Variants in OXCT1 observed in about 807,000 individuals in gnomAD.
The protein encoded by OXCT1 is 3-oxoacid CoA-transferase 1.
In OXCT1, 27 loss-of-function variants were observed where a neutral mutation model predicts 69.6. The ratio of observed to expected loss-of-function variants is 0.39; its 90% confidence interval spans 0.29 to 0.54. The LOEUF (loss-of-function observed/expected upper bound fraction) is 0.54, where lower values mean the gene tolerates loss of function less well. Among genes scored for constraint, OXCT1 ranks in the 20% least tolerant of loss-of-function variants. The probability of loss-of-function intolerance (pLI) is 0.72; values close to 1 mark genes in which losing one functional copy is unlikely to be tolerated. For missense variants in OXCT1, 437 were observed against 650.2 expected, an observed-to-expected ratio of 0.67 and a Z score of 3.57; for synonymous variants, 202 against 217.8, an observed-to-expected ratio of 0.93 and a Z score of 0.64.
chr5:41,861,051 A>C (rs904028325), intron 3 of OXCT1, among the ~76,000 whole-genome samples: 5 of 152,182 alleles, frequency 3.3e-5, no homozygotes, highest in Admixed American at 3.3e-4. Flanking sequence ...TTAGAAAAAT[A>C]AAAGCACATC....
intron 15 of OXCT1, among the ~76,000 whole-genome samples, chr5:41,743,727 T>G (rs1195189777): frequency 1.3e-5 from 2 of 152,202 alleles, no homozygotes; most frequent in African/African-American, 2.4e-5. Flanking sequence ...CACCATTTAT[T>G]AAATAGGGAA....
intron 7 of OXCT1, among the ~76,000 whole-genome samples, chr5:41,833,630 T>C (rs1010422217): frequency 5.9e-5 from 9 of 151,946 alleles, no homozygotes; most frequent in South Asian, 2.1e-4. Flanking sequence ...ATTATTAACA[T>C]TGCAACTGTG....
chr5:41,833,367 T>C (rs1050554927), intron 7 of OXCT1, among the ~76,000 whole-genome samples: 3 of 152,034 alleles, frequency 2.0e-5, no homozygotes, highest in African/African-American at 7.2e-5. Flanking sequence ...TTTAAAGGAC[T>C]GAAGGAAAGA....
At chr5:41,853,677 C>T (rs778013896) in intron 3 of OXCT1, 123 bp from the exon 4 acceptor site, 3 of 1,097,756 alleles carry the variant, frequency 2.7e-6, no homozygotes, top group Non-Finnish European at 4.0e-6. Flanking sequence ...GCATTTGATC[C>T]ACATTCTTAG....
chr5:41,859,950 G>A (rs1374838960), intron 3 of OXCT1, among the ~76,000 whole-genome samples: 6 of 140,884 alleles, frequency 4.3e-5, no homozygotes, highest in Admixed American at 7.3e-5. Flanking sequence ...AGGTACATAT[G>A]TATAATCAGA....
intron 13 of OXCT1, among the ~76,000 whole-genome samples, chr5:41,787,197 T>A (rs1336101441): frequency 6.6e-6 from 1 of 152,190 alleles, no homozygotes; most frequent in Non-Finnish European, 1.5e-5. Flanking sequence ...TTTCTAGGGA[T>A]TTGTACTAAG....
chr5:41,761,856 G>C (rs953309478), intron 14 of OXCT1, among the ~76,000 whole-genome samples: 3 of 152,076 alleles, frequency 2.0e-5, no homozygotes, highest in Non-Finnish European at 2.9e-5. Flanking sequence ...TATGCATAAA[G>C]CTTTTACTTT....
intron 13 of OXCT1, among the ~76,000 whole-genome samples, chr5:41,785,358 A>G (rs1561074192): frequency 6.6e-6 from 1 of 152,246 alleles, no homozygotes; most frequent in African/African-American, 2.4e-5. Flanking sequence ...TATTAGAACC[A>G]TAGTTGGAAA....
At chr5:41,847,859 A>C (rs1409386308) in intron 5 of OXCT1, among the ~76,000 whole-genome samples, 10 of 149,672 alleles carry the variant, frequency 6.7e-5, no homozygotes, top group Admixed American at 2.0e-4. Context: ...ATTCCCTTTG[A>C]AAACTGGCAC....
intron 13 of OXCT1, among the ~76,000 whole-genome samples, chr5:41,781,060 C>T (rs1335159664): frequency 3.3e-5 from 5 of 152,072 alleles, no homozygotes; most frequent in Non-Finnish European, 5.9e-5. Flanking sequence ...CCCACCACCA[C>T]GCCCAGCTGA....
intron 13 of OXCT1, among the ~76,000 whole-genome samples, chr5:41,771,028 A>G (rs531612877): frequency 2.4e-4 from 37 of 152,318 alleles, no homozygotes; most frequent in African/African-American, 8.4e-4. Context: ...TACCATGATC[A>G]GAGTCTTCAT....
At chr5:41,842,625 A>G (rs1377626911) in intron 6 of OXCT1, 50 bp downstream of exon 6, 2 of 1,267,336 alleles carry the variant, frequency 1.6e-6, no homozygotes, top group Non-Finnish European at 1.2e-6. Flanking sequence ...TCTGATGTCC[A>G]TTTTTAGAGT....
chr5:41,861,289 A>C, intron 3 of OXCT1, 25 bp downstream of exon 3: 1 of 1,415,752 alleles, frequency 7.1e-7, no homozygotes, highest in Non-Finnish European at 1.0e-6. Flanking sequence ...CTCTCCAGCC[A>C]ATTGTTTTTA....
chr5:41,794,521 C>T (rs1746082397), intron 12 of OXCT1, 156 bp downstream of exon 12: 7 of 688,660 alleles, frequency 1.0e-5, no homozygotes, highest in Admixed American at 5.0e-5. Flanking sequence ...GCCCAACATT[C>T]GATGTGAATA....
At chr5:41,747,905 G>A (rs759425465) in intron 15 of OXCT1, among the ~76,000 whole-genome samples, 7 of 152,012 alleles carry the variant, frequency 4.6e-5, no homozygotes, top group Admixed American at 6.6e-5. Flanking sequence ...AGCATCTGGC[G>A]TGTGTCTCCA....
chr5:41,775,936 G>C (rs535574697), intron 13 of OXCT1, among the ~76,000 whole-genome samples: 1 of 152,090 alleles, frequency 6.6e-6, no homozygotes, highest in East Asian at 1.9e-4. Flanking sequence ...CCAGATCTTT[G>C]AGGGTGGACT....
chr5:41,783,466 G>C (rs532200049), intron 13 of OXCT1, among the ~76,000 whole-genome samples: 1 of 152,242 alleles, frequency 6.6e-6, no homozygotes, highest in Non-Finnish European at 1.5e-5. Flanking sequence ...GGGTTTCTAG[G>C]AAGCCTCATC....
chr5:41,857,827 A>G (rs1287038876), intron 3 of OXCT1, among the ~76,000 whole-genome samples: 1 of 152,242 alleles, frequency 6.6e-6, no homozygotes, highest in African/African-American at 2.4e-5. Flanking sequence ...TACGTTTGAT[A>G]TCATCTACAG....
intron 5 of OXCT1, among the ~76,000 whole-genome samples, chr5:41,844,795 G>C (rs1748812947): frequency 6.6e-6 from 1 of 151,772 alleles, no homozygotes; most frequent in African/African-American, 2.4e-5. Context: ...AAATCCTGTT[G>C]GCTCTACCAT....
Sources: allele counts gnomAD v4.1 joint callset (sites outside exome capture counted in the v4.1 genomes callset), GRCh38; gene constraint gnomAD v4.1.1; transcripts MANE v1.5; gene names NCBI Gene and HGNC (gene_info 2026-07-23, HGNC 2026-07-21).